Variants in FBLN5 observed in about 807,000 individuals in gnomAD.
FBLN5 encodes fibulin 5.
FBLN5 carries 24 observed loss-of-function variants against 61.6 expected under a neutral mutation model. That is an observed-to-expected ratio of 0.39 (90% CI 0.28 to 0.55). FBLN5 has a LOEUF of 0.55. FBLN5 is among the 20% of genes least tolerant of loss of function. FBLN5 has a pLI of 0.65. For synonymous variants in FBLN5, 213 were observed against 219.8 expected (o/e 0.97, Z 0.27); for missense variants, 470 against 594.1 (o/e 0.79, Z 2.17).
chr14:91,913,065 G>A lies in FBLN5; in HGVS notation c.380-17993C>T, dbSNP rs555211877. On this transcript the variant is annotated intron_variant, in intron 4 of 10. Coordinates refer to ENST00000342058, the MANE Select transcript of FBLN5 (RefSeq NM_006329.4). ...TATTTTTCATTATTTGTCTTCAAAC[G>A]CCCTTTTACAAGTATAATTCAATCA... 2.0e-4 allele frequency among the ~76,000 whole-genome samples: 30 copies of A among 152,074 alleles called. No individual in the cohort carries two copies. In the South Asian group the frequency reaches 4.6e-3, roughly 23 times the overall value.
intron 4 of FBLN5, among the ~76,000 whole-genome samples, chr14:91,902,043 T>G (rs1399605773): frequency 2.0e-5 from 3 of 152,214 alleles, no homozygotes; most frequent in African/African-American, 7.2e-5. Context: ...ATTGTTTGGT[T>G]CTTGGGTAAT....
At chr14:91,887,463 G>T in intron 6 of FBLN5, 151 bp from the exon 7 acceptor site, 1 of 816,178 alleles carries the variant, frequency 1.2e-6, no homozygotes, top group Non-Finnish European at 2.1e-6. Flanking sequence ...TTGGGAGCAT[G>T]ATCTTAGATC....
intron 4 of FBLN5, among the ~76,000 whole-genome samples, chr14:91,911,725 C>T (rs1326957191): frequency 1.3e-5 from 2 of 151,890 alleles, no homozygotes; most frequent in East Asian, 3.9e-4. Context: ...GAGCTCCCTG[C>T]CCTCACTACT....
At chr14:91,896,841 T>C (rs1177131362) in intron 4 of FBLN5, among the ~76,000 whole-genome samples, 1 of 152,208 alleles carries the variant, frequency 6.6e-6, no homozygotes, top group East Asian at 1.9e-4. Flanking sequence ...ATCCATTCAG[T>C]TGGCTTCTTT....
At chr14:91,913,749 T>C (rs1401832963) in intron 4 of FBLN5, among the ~76,000 whole-genome samples, 1 of 152,238 alleles carries the variant, frequency 6.6e-6, no homozygotes, top group Non-Finnish European at 1.5e-5. Flanking sequence ...GCATTGTGGA[T>C]ACCAAAGTGA....
chr14:91,872,387 G>A (rs1483558468), intron 10 of FBLN5, among the ~76,000 whole-genome samples: 3 of 152,230 alleles, frequency 2.0e-5, no homozygotes, highest in African/African-American at 7.2e-5. Flanking sequence ...ACAGTGTGAA[G>A]AAGAAAAGGG....
At chr14:91,889,542 C>T (rs1032276173) in intron 6 of FBLN5, among the ~76,000 whole-genome samples, 7 of 152,200 alleles carry the variant, frequency 4.6e-5, no homozygotes, top group African/African-American at 1.7e-4. Context: ...AGTTGCTTAA[C>T]CTTTTTGAGC....
intron 7 of FBLN5, among the ~76,000 whole-genome samples, chr14:91,885,750 A>G (rs1038907664): frequency 3.3e-5 from 5 of 152,208 alleles, no homozygotes; most frequent in African/African-American, 1.2e-4. Context: ...TGGCCTATGC[A>G]GTAGGGCAAT....
At chr14:91,877,872 A>C (rs1187956419) in intron 9 of FBLN5, 190 bp from the exon 10 acceptor site, 5 of 668,398 alleles carry the variant, frequency 7.5e-6, no homozygotes, top group Non-Finnish European at 1.4e-5. Context: ...TCTGTTTCCT[A>C]GAGAATGGAC....
In FBLN5 at chr14:91,905,311, C is replaced by T. The variant is rs550036447; in HGVS notation, c.380-10239G>A. Among the ~76,000 whole-genome samples the T allele has an allele frequency of 6.6e-5, 10 of 152,278 alleles. No individual in the cohort carries two copies. In the South Asian group the frequency reaches 2.1e-3, roughly 32 times the overall value. On this transcript the variant is annotated intron_variant, in intron 4 of 10. Transcript: ENST00000342058. ...ACTCCTATCACCTGCCCCCCTAGAG[C>T]TTGCAGGCAAGAGAGGAGGGCAGAT...
intron 8 of FBLN5, among the ~76,000 whole-genome samples, chr14:91,881,633 A>C (rs995231189): frequency 6.6e-6 from 1 of 152,154 alleles, no homozygotes; most frequent in Non-Finnish European, 1.5e-5. Flanking sequence ...ACTTAGTACC[A>C]AGAAATAATG....
intron 1 of FBLN5, among the ~76,000 whole-genome samples, chr14:91,944,225 T>G (rs1287662716): frequency 6.6e-6 from 1 of 152,122 alleles, no homozygotes; most frequent in Non-Finnish European, 1.5e-5. Flanking sequence ...AAAGCGAGAC[T>G]CTGTCTCAAA....
intron 4 of FBLN5, among the ~76,000 whole-genome samples, chr14:91,928,530 G>C (rs2055867971): frequency 6.6e-6 from 1 of 152,192 alleles, no homozygotes; most frequent in Admixed American, 6.5e-5. Flanking sequence ...CCAGCACTTT[G>C]GGAGGCCAAG....
intron 4 of FBLN5, among the ~76,000 whole-genome samples, chr14:91,916,534 A>G (rs954908921): frequency 6.6e-6 from 1 of 152,208 alleles, no homozygotes; most frequent in Non-Finnish European, 1.5e-5. Context: ...TCTACCTGAT[A>G]ACTTTCAATG....
intron 4 of FBLN5, among the ~76,000 whole-genome samples, chr14:91,901,329 G>A (rs1210976652): frequency 1.3e-5 from 2 of 152,208 alleles, no homozygotes. Context: ...CTCACTGGGT[G>A]ACACTGGGAG....
At chr14:91,912,988 AT>A (rs1891022521) in intron 4 of FBLN5, among the ~76,000 whole-genome samples, 1 of 152,128 alleles carries the variant, frequency 6.6e-6, no homozygotes, top group Non-Finnish European at 1.5e-5. Flanking sequence ...GTATTAACCA[AT>A]GTGTATTAAC....
intron 4 of FBLN5, among the ~76,000 whole-genome samples, chr14:91,915,219 C>T (rs1372422631): frequency 6.6e-6 from 1 of 150,952 alleles, no homozygotes; most frequent in Non-Finnish European, 1.5e-5. Context: ...GAAAATACAA[C>T]AGAACTACAA....
At position 91,870,160 on chromosome 14, in the gene FBLN5, T is replaced by C. The variant is rs1344638781; in HGVS notation, c.*64A>G. ...TGTGTCGCTCTCATTCTCTCTGTTA[T>C]TTCCTCTCTTCTCCTGTCCCTTGGT... On this transcript the variant is annotated 3_prime_UTR_variant, in exon 11 of 11. Transcript: ENST00000342058. The C allele has an allele frequency of 2.0e-6, 3 of 1,504,102 alleles. No individual in the cohort carries two copies. The highest frequency in any genetic ancestry group is 4.5e-5 in the East Asian group (2 of 44,390). 93.2% of individuals were successfully genotyped at this position (1,504,102 alleles called of 1,614,324 possible).
At chr14:91,892,025 C>T (rs924413429) in intron 5 of FBLN5, among the ~76,000 whole-genome samples, 1 of 152,224 alleles carries the variant, frequency 6.6e-6, no homozygotes. Context: ...AAACACATCT[C>T]TTCCAAGCCA....
Sources: allele counts gnomAD v4.1 joint callset (sites outside exome capture counted in the v4.1 genomes callset), GRCh38; gene constraint gnomAD v4.1.1; transcripts MANE v1.5; gene names NCBI Gene and HGNC (gene_info 2026-07-23, HGNC 2026-07-21).